AGBL1: variants seen among roughly 807,000 people sequenced by gnomAD.
AGBL1 encodes the protein AGBL carboxypeptidase 1, also known as cytosolic carboxypeptidase 4.
Under a neutral mutation model 118.9 loss-of-function variants are expected in AGBL1, and 130 were observed. The ratio of observed to expected loss-of-function variants is 1.09; its 90% CI spans 0.95 to 1.26. The LOEUF is 1.26. Among genes scored for constraint, AGBL1 ranks in the 50% most tolerant of loss-of-function variants. The pLI, the probability that AGBL1 is intolerant of heterozygous loss-of-function variation, is 0.00. For missense variants in AGBL1, 1,584 were observed against 1,298.1 expected (o/e 1.22, Z -3.38); for synonymous variants, 555 against 478.9 (o/e 1.16, Z -2.08).
chr15:86,990,202 A>G (rs950307489), intron 24 of AGBL1, among the ~76,000 whole-genome samples: 1 of 152,000 alleles, frequency 6.6e-6, no homozygotes, highest in African/African-American at 2.4e-5. Context: ...ATGAGAGAGG[A>G]TAGGGGCTTG....
At chr15:87,020,542 A>G (rs193241575) in intron 24 of AGBL1, among the ~76,000 whole-genome samples, 6 of 152,022 alleles carry the variant, frequency 3.9e-5, no homozygotes, top group African/African-American at 1.2e-4. Flanking sequence ...TATTTAAATA[A>G]GAAGAGAGGA....
At chr15:86,873,421 G>C (rs1052542709) in intron 22 of AGBL1, among the ~76,000 whole-genome samples, 1 of 152,126 alleles carries the variant, frequency 6.6e-6, no homozygotes, top group Non-Finnish European at 1.5e-5. Context: ...AAAGATGTTT[G>C]AAAAATCTCC....
At chr15:86,885,611 T>G (rs2079958752) in intron 22 of AGBL1, among the ~76,000 whole-genome samples, 1 of 152,202 alleles carries the variant, frequency 6.6e-6, no homozygotes, top group Non-Finnish European at 1.5e-5. Flanking sequence ...CCATGCTACC[T>G]GACTGTAATA....
intron 22 of AGBL1, among the ~76,000 whole-genome samples, chr15:86,827,310 T>TAC (rs1331710575): frequency 0.034 from 460 of 13,520 alleles, 70 homozygotes; most frequent in East Asian, 0.14. Flanking sequence ...TATGTATATA[T>TAC]ATATATACAC....
chr15:86,884,096 T>C (rs1567223003), intron 22 of AGBL1, among the ~76,000 whole-genome samples: 1 of 152,216 alleles, frequency 6.6e-6, no homozygotes, highest in African/African-American at 2.4e-5. Flanking sequence ...AGTTGAGAAC[T>C]TTCACCTTTT....
intron 21 of AGBL1, among the ~76,000 whole-genome samples, chr15:86,620,368 G>A (rs2084786405): frequency 6.6e-6 from 1 of 152,154 alleles, no homozygotes; most frequent in African/African-American, 2.4e-5. Flanking sequence ...GTTACATAGA[G>A]AAGCAATAAA....
chr15:86,592,607 A>G (rs1259185211), intron 21 of AGBL1, among the ~76,000 whole-genome samples: 2 of 152,192 alleles, frequency 1.3e-5, no homozygotes, highest in African/African-American at 4.8e-5. Context: ...TGCCATGCTC[A>G]TTAGAAGCGT....
intron 7 of AGBL1, among the ~76,000 whole-genome samples, chr15:86,253,525 A>C (rs2078849829): frequency 6.6e-6 from 1 of 152,166 alleles, no homozygotes; most frequent in South Asian, 2.1e-4. Flanking sequence ...CTGGGATTAC[A>C]GGCGTGAGGC....
At chr15:86,973,473 C>G (rs2081132124) in intron 23 of AGBL1, among the ~76,000 whole-genome samples, 1 of 151,694 alleles carries the variant, frequency 6.6e-6, no homozygotes, top group Admixed American at 6.6e-5. Context: ...GCCTACATTC[C>G]TCTTCAGGGA....
intron 17 of AGBL1, among the ~76,000 whole-genome samples, chr15:86,302,232 C>A (rs2079759034): frequency 6.6e-6 from 1 of 151,972 alleles, no homozygotes; most frequent in South Asian, 2.1e-4. Flanking sequence ...TGGCTAACAC[C>A]CTATCATGTA....
intron 22 of AGBL1, among the ~76,000 whole-genome samples, chr15:86,742,426 G>T (rs2077693541): frequency 6.6e-6 from 1 of 152,136 alleles, no homozygotes; most frequent in Non-Finnish European, 1.5e-5. Flanking sequence ...GCCAAAAGTT[G>T]TTTCTCTGTT....
chr15:86,875,103 T>A (rs2079788312), intron 22 of AGBL1, among the ~76,000 whole-genome samples: 1 of 152,210 alleles, frequency 6.6e-6, no homozygotes, highest in Admixed American at 6.5e-5. Context: ...CTTGTTTTTC[T>A]TAGATGCTTT....
chr15:86,575,787 G>A (rs956548947), intron 21 of AGBL1, among the ~76,000 whole-genome samples: 5 of 151,954 alleles, frequency 3.3e-5, no homozygotes, highest in Non-Finnish European at 5.9e-5. Flanking sequence ...TATAGAGACA[G>A]GGTCTTGGTA....
chr15:86,974,635 C>A (rs2081154159), intron 23 of AGBL1, among the ~76,000 whole-genome samples: 1 of 142,138 alleles, frequency 7.0e-6, no homozygotes. Context: ...ATATATTTAA[C>A]TTTTCTGCAA....
intron 22 of AGBL1, among the ~76,000 whole-genome samples, chr15:86,702,783 C>T (rs1050396855): frequency 2.6e-5 from 4 of 152,074 alleles, no homozygotes; most frequent in Non-Finnish European, 2.9e-5. Context: ...TGCTTGTCTT[C>T]GTCTGCTGGT....
At chr15:86,364,958 CAT>C (rs72116454) in intron 17 of AGBL1, among the ~76,000 whole-genome samples, 4,059 of 76,140 alleles carry the variant, frequency 0.053, 340 homozygotes, top group African/African-American at 0.13. Context: ...ATATGTCACA[CAT>C]ATATATATAT....
intron 23 of AGBL1, among the ~76,000 whole-genome samples, chr15:86,943,523 C>T (rs954568200): frequency 2.0e-5 from 3 of 152,124 alleles, no homozygotes; most frequent in Admixed American, 1.3e-4. Context: ...ACATAGGGCA[C>T]GAGAGATTGG....
chr15:86,670,180 T>C (rs1247404440), intron 21 of AGBL1, among the ~76,000 whole-genome samples: 1 of 152,120 alleles, frequency 6.6e-6, no homozygotes, highest in Non-Finnish European at 1.5e-5. Flanking sequence ...TAGGAAGGGT[T>C]CCCTGAAGTG....
intron 18 of AGBL1, among the ~76,000 whole-genome samples, chr15:86,444,925 C>T (rs117833644): frequency 0.044 from 6,667 of 152,108 alleles, 190 homozygotes; most frequent in South Asian, 0.098. Context: ...ACTCCAAAGA[C>T]AATTTTAACA....
Sources: allele counts gnomAD v4.1 joint callset (sites outside exome capture counted in the v4.1 genomes callset), GRCh38; gene constraint gnomAD v4.1.1; transcripts MANE v1.5; gene names NCBI Gene and HGNC (gene_info 2026-07-23, HGNC 2026-07-21).